The following RSU1 variants were observed in gnomAD, a reference collection of about 807,000 sequenced individuals.
RSU1 encodes rsu-1.
In RSU1, 26 loss-of-function variants were observed where a neutral mutation model predicts 31.1. The observed-to-expected ratio is 0.84, with a 90% CI of 0.61 to 1.16. The LOEUF is 1.16. Ranked by LOEUF, RSU1 falls within the 50% of genes most tolerant of loss-of-function variation. The probability of loss-of-function intolerance (pLI) is 0.00; values close to 1 mark genes in which losing one functional copy is unlikely to be tolerated. For synonymous variants in RSU1, 164 were observed against 136.3 expected, an observed-to-expected ratio of 1.20 and a Z score of -1.41; for missense variants, 320 against 339.1, an observed-to-expected ratio of 0.94 and a Z score of 0.44.
At chr10:16,645,035 G>A (rs1588691256) in intron 8 of RSU1, among the ~76,000 whole-genome samples, 3 of 152,052 alleles carry the variant, frequency 2.0e-5, no homozygotes, top group Admixed American at 2.0e-4. Context: ...CTTAAAGGGG[G>A]GAAAAAGCAG....
intron 7 of RSU1, among the ~76,000 whole-genome samples, chr10:16,710,655 A>G (rs911183444): frequency 2.0e-5 from 3 of 151,920 alleles, no homozygotes; most frequent in African/African-American, 7.3e-5. Context: ...TTGATGAAAC[A>G]TTTTTTTTAA....
chr10:16,715,811 A>G (rs1564329455), intron 7 of RSU1, among the ~76,000 whole-genome samples: 1 of 152,202 alleles, frequency 6.6e-6, no homozygotes, highest in African/African-American at 2.4e-5. Context: ...TATGAACTTT[A>G]GGGTGGGATT....
At chr10:16,646,013 C>T (rs866956865) in intron 8 of RSU1, among the ~76,000 whole-genome samples, 902 of 87,594 alleles carry the variant, frequency 0.01, 171 homozygotes, top group Non-Finnish European at 0.015. Context: ...TGTGTATATA[C>T]ATATATGTGT....
In RSU1 at chr10:16,669,082, G is replaced by GT. The variant is rs140102157; in HGVS notation, c.731+25940dup. On this transcript the variant is annotated intron_variant, in intron 8 of 8. Transcript: ENST00000345264. ...CTGCAGTCTATTACAAAGAGTCTTTGTAAGTTTCTGTTAAGAGGAACATTT... is the reference window on the plus strand; with the variant it reads ...CTGCAGTCTATTACAAAGAGTCTTTGTTAAGTTTCTGTTAAGAGGAACATTT... Among the ~76,000 whole-genome samples the GT allele has an allele frequency of 3.3e-3, 500 of 152,240 alleles. 5 individuals are homozygous for GT. The highest frequency in any genetic ancestry group is 0.011 in the African/African-American group (474 of 41,550).
chr10:16,720,920 G>A (rs1033953346), intron 7 of RSU1, among the ~76,000 whole-genome samples: 116 of 152,124 alleles, frequency 7.6e-4, no homozygotes, highest in African/African-American at 2.7e-3. Context: ...CTGAGAGTTT[G>A]AGGCTGCAGT....
chr10:16,800,882 G>A (rs77466859), intron 2 of RSU1, among the ~76,000 whole-genome samples: 520 of 151,338 alleles, frequency 3.4e-3, no homozygotes, highest in Non-Finnish European at 5.5e-3. Flanking sequence ...AAGAGAAAAC[G>A]GAATATGTTG....
intron 2 of RSU1, among the ~76,000 whole-genome samples, chr10:16,799,030 TA>T (rs1201861664): frequency 6.6e-6 from 1 of 152,014 alleles, no homozygotes; most frequent in Non-Finnish European, 1.5e-5. Flanking sequence ...TCAAAATAAC[TA>T]GAGATACATT....
In RSU1 at chr10:16,665,919, T is replaced by C. The variant is rs78555593; in HGVS notation, c.731+29104A>G. On this transcript the variant is annotated intron_variant, in intron 8 of 8. Coordinates refer to ENST00000345264, the MANE Select transcript of RSU1 (RefSeq NM_012425.4). Reference sequence around the variant, plus strand: ...TGCAGTTATGAATAATTTTAATAAATATGCAAAGCTGGTATTCTGCCACAT... The same window carrying C: ...TGCAGTTATGAATAATTTTAATAAACATGCAAAGCTGGTATTCTGCCACAT... 4.5e-4 allele frequency among the ~76,000 whole-genome samples: 68 copies of C among 152,334 alleles called. 1 individual carries two copies. In the East Asian group the frequency reaches 0.012, roughly 28 times the overall value.
chr10:16,734,318 C>A (rs773214323), intron 7 of RSU1, among the ~76,000 whole-genome samples: 1 of 152,226 alleles, frequency 6.6e-6, no homozygotes, highest in Non-Finnish European at 1.5e-5. Context: ...ACTTCCTGCA[C>A]TAGGCATTCA....
intron 7 of RSU1, among the ~76,000 whole-genome samples, chr10:16,700,890 A>G (rs1420134410): frequency 6.6e-6 from 1 of 152,272 alleles, no homozygotes; most frequent in Non-Finnish European, 1.5e-5. Flanking sequence ...GTCTGTAACT[A>G]TAATTAAAAC....
chr10:16,698,041 G>A (rs767579583), intron 7 of RSU1, among the ~76,000 whole-genome samples: 1 of 143,548 alleles, frequency 7.0e-6, no homozygotes, highest in Non-Finnish European at 1.5e-5. Flanking sequence ...AGGGAGAAGA[G>A]GAGGGAAGTC....
At chr10:16,799,988 G>A (rs892681798) in intron 2 of RSU1, among the ~76,000 whole-genome samples, 10 of 152,010 alleles carry the variant, frequency 6.6e-5, no homozygotes, top group African/African-American at 1.9e-4. Context: ...AAAATAATAC[G>A]GAATTACGGC....
intron 8 of RSU1, among the ~76,000 whole-genome samples, chr10:16,599,631 G>C (rs1833682519): frequency 6.6e-6 from 1 of 152,246 alleles, no homozygotes; most frequent in Non-Finnish European, 1.5e-5. Flanking sequence ...CTACCATGGA[G>C]AGCTTGGGAG....
intron 2 of RSU1, among the ~76,000 whole-genome samples, chr10:16,814,747 T>G (rs1007210292): frequency 1.3e-5 from 2 of 152,222 alleles, no homozygotes; most frequent in Admixed American, 1.3e-4. Flanking sequence ...CTATTATCCG[T>G]TGTTAGCTAC....
At chr10:16,625,449 AAG>A (rs1554760323) in intron 8 of RSU1, among the ~76,000 whole-genome samples, 1 of 152,218 alleles carries the variant, frequency 6.6e-6, no homozygotes, top group East Asian at 1.9e-4. Flanking sequence ...CATTCACTGA[AAG>A]AAGCAAAGCG....
At chr10:16,805,253 T>C (rs1438278068) in intron 2 of RSU1, among the ~76,000 whole-genome samples, 1 of 152,074 alleles carries the variant, frequency 6.6e-6, no homozygotes, top group Non-Finnish European at 1.5e-5. Flanking sequence ...CCAGCAATCA[T>C]AGCAAACGTA....
intron 7 of RSU1, chr10:16,721,547 C>T (rs1201814218): frequency 2.6e-5 from 4 of 152,252 alleles, no homozygotes; most frequent in African/African-American, 9.7e-5. Flanking sequence ...GCTGGGAGGC[C>T]TAAGCCACTT....
intron 8 of RSU1, among the ~76,000 whole-genome samples, chr10:16,612,743 A>G (rs1479621460): frequency 6.6e-6 from 1 of 152,166 alleles, no homozygotes; most frequent in African/African-American, 2.4e-5. Flanking sequence ...AATTCATCCA[A>G]CTATGTTCGC....
chr10:16,738,568 A>C (rs1836684855), intron 7 of RSU1, among the ~76,000 whole-genome samples: 1 of 152,238 alleles, frequency 6.6e-6, no homozygotes, highest in Non-Finnish European at 1.5e-5. Context: ...TACAAAACAA[A>C]GAATAAAATA....
Sources: allele counts gnomAD v4.1 joint callset (sites outside exome capture counted in the v4.1 genomes callset), GRCh38; gene constraint gnomAD v4.1.1; transcripts MANE v1.5; gene names NCBI Gene and HGNC (gene_info 2026-07-23, HGNC 2026-07-21).